LTBP1: variants seen among roughly 807,000 people sequenced by gnomAD.
The protein encoded by LTBP1 is latent-transforming growth factor beta-binding protein 1.
LTBP1 carries 129 observed loss-of-function variants against 207.6 expected under a neutral mutation model. That is an observed-to-expected ratio of 0.62 (90% confidence interval 0.54 to 0.72). The LOEUF (loss-of-function observed/expected upper bound fraction) is 0.72, where lower values mean the gene tolerates loss of function less well. Among genes scored for constraint, LTBP1 ranks in the 30% least tolerant of loss-of-function variants. The probability of loss-of-function intolerance (pLI) is 0.00; values close to 1 mark genes in which losing one functional copy is unlikely to be tolerated. For synonymous variants in LTBP1, 963 were observed against 833.7 expected (o/e 1.16, Z -2.67); for missense variants, 2,281 against 2,217.2 (o/e 1.03, Z -0.58).
At chr2:33,082,620 T>C (rs1485672480) in intron 3 of LTBP1, among the ~76,000 whole-genome samples, 1 of 151,654 alleles carries the variant, frequency 6.6e-6, no homozygotes, top group Admixed American at 6.6e-5. Context: ...AGAGATGGGG[T>C]TTCACCACGT....
At chr2:33,169,668 G>C (rs1249112612) in intron 5 of LTBP1, among the ~76,000 whole-genome samples, 1 of 152,134 alleles carries the variant, frequency 6.6e-6, no homozygotes, top group Admixed American at 6.5e-5. Flanking sequence ...AACAAAATTT[G>C]TATAATCCAG....
intron 20 of LTBP1, 144 bp downstream of exon 20, chr2:33,293,426 A>C (rs1481959657): frequency 5.8e-6 from 4 of 694,980 alleles, no homozygotes. Context: ...GGCTTGGCTG[A>C]AAGTGGCTCC....
intron 11 of LTBP1, among the ~76,000 whole-genome samples, chr2:33,255,429 C>G (rs1186357784): frequency 6.6e-6 from 1 of 152,022 alleles, no homozygotes; most frequent in African/African-American, 2.4e-5. Context: ...TGTGGCGATT[C>G]CTCAGGGATC....
intron 3 of LTBP1, among the ~76,000 whole-genome samples, chr2:33,041,143 A>G (rs1340658971): frequency 6.6e-6 from 1 of 152,180 alleles, no homozygotes; most frequent in African/African-American, 2.4e-5. Flanking sequence ...AGAGGTCTCT[A>G]CCACCATACC....
intron 3 of LTBP1, among the ~76,000 whole-genome samples, chr2:33,064,578 A>G (rs983307572): frequency 1.3e-5 from 2 of 152,204 alleles, no homozygotes; most frequent in Non-Finnish European, 2.9e-5. Flanking sequence ...CCCTGAGCTT[A>G]GGAAATACCA....
intron 8 of LTBP1, among the ~76,000 whole-genome samples, chr2:33,218,436 G>A (rs1300450823): frequency 1.3e-5 from 2 of 151,728 alleles, no homozygotes; most frequent in Non-Finnish European, 2.9e-5. Flanking sequence ...CACTATTGTC[G>A]CCCAGGCTGG....
At chr2:33,085,255 G>C (rs1249819531) in intron 3 of LTBP1, among the ~76,000 whole-genome samples, 2 of 152,186 alleles carry the variant, frequency 1.3e-5, no homozygotes, top group Admixed American at 1.3e-4. Flanking sequence ...ACCCGAGAGA[G>C]AATACATTTC....
chr2:33,380,485 C>T (rs188896997), intron 31 of LTBP1, among the ~76,000 whole-genome samples: 230 of 151,636 alleles, frequency 1.5e-3, no homozygotes, highest in Middle Eastern at 0.014. Context: ...AGGAGAATCA[C>T]TTGAACCCAG....
intron 3 of LTBP1, among the ~76,000 whole-genome samples, chr2:33,021,507 TGTTA>T (rs770134920): frequency 5.3e-5 from 8 of 152,202 alleles, no homozygotes; most frequent in Admixed American, 2.0e-4. Context: ...TTGATAAAGT[TGTTA>T]GTTTAAAAAT....
At chr2:33,092,687 T>A (rs1456341296) in intron 3 of LTBP1, among the ~76,000 whole-genome samples, 1 of 152,206 alleles carries the variant, frequency 6.6e-6, no homozygotes, top group Admixed American at 6.5e-5. Context: ...ATCTTCAGTT[T>A]TAGTTTAAAT....
chr2:33,208,542 A>G (rs560108369), intron 7 of LTBP1, among the ~76,000 whole-genome samples: 8 of 152,264 alleles, frequency 5.3e-5, no homozygotes, highest in African/African-American at 1.9e-4. Context: ...GGCCTAGGTC[A>G]GGGTATGAGG....
intron 2 of LTBP1, among the ~76,000 whole-genome samples, chr2:32,985,261 G>A (rs1245329755): frequency 1.0e-5 from 1 of 95,706 alleles, no homozygotes; most frequent in East Asian, 3.7e-4. Context: ...TGAGTGACAT[G>A]GTACTGTCTA....
chr2:33,301,550 C>G lies in LTBP1; in HGVS notation c.3387C>G (p.Leu1129=). 1 of 1,610,132 alleles carries G rather than the reference C, an allele frequency of 6.2e-7. No homozygotes were observed. Among genetic ancestry groups the G allele is most frequent in the Non-Finnish European group, 8.5e-7 (1 of 1,178,474 alleles). ...TTGATGAATGCCAGCACCGTCATCT[C>G]TGTGCTCATGGGCAGTGCAGGAACA... The part of the protein sequence containing the change: ...EDIDECQHRH[L]CAHGQCRNTE... The change falls in exon 22 of 34, where the codon CTC becomes CTG. Residue 1129 remains leucine (L), a synonymous_variant. Transcript: ENST00000404816.
intron 31 of LTBP1, among the ~76,000 whole-genome samples, chr2:33,383,161 C>A (rs964526234): frequency 1.3e-5 from 2 of 152,334 alleles, no homozygotes; most frequent in Non-Finnish European, 2.9e-5. Flanking sequence ...CAAGACCAGC[C>A]TGGCCAACAT....
At position 33,364,223 on chromosome 2, in the gene LTBP1, T is replaced by C. The variant is rs768395608; in HGVS notation, c.4407T>C (p.Asp1469=). The change falls in exon 30 of 34, where the codon GAT becomes GAC. Residue 1469 remains aspartate, a synonymous_variant. Coordinates refer to ENST00000404816, the MANE Select transcript of LTBP1 (RefSeq NM_206943.4). ...DPVKLQCFDM[D]ECQDPSSCID... is the part of the protein sequence containing the mutation. ...CTTTTTTTTGCTCTTAAGATATGGA[T>C]GAATGTCAAGACCCCAGTAGTTGTA... The C allele has an allele frequency of 8.7e-6, 14 of 1,613,198 alleles. No homozygotes were observed. The Admixed American group carries it at 2.2e-4, about 25-fold the overall frequency.
chr2:32,964,298 G>A (rs1445539725), intron 2 of LTBP1, among the ~76,000 whole-genome samples: 2 of 152,210 alleles, frequency 1.3e-5, no homozygotes, highest in South Asian at 2.1e-4. Context: ...TGTAGAAGGA[G>A]CTGAAAAAGG....
intron 31 of LTBP1, among the ~76,000 whole-genome samples, chr2:33,372,055 C>T (rs979893178): frequency 1.3e-5 from 2 of 152,174 alleles, no homozygotes; most frequent in African/African-American, 2.4e-5. Flanking sequence ...TTTAAGGCAT[C>T]CACTGGGGGT....
intron 2 of LTBP1, among the ~76,000 whole-genome samples, chr2:33,008,172 A>G (rs1687186790): frequency 6.6e-6 from 1 of 152,214 alleles, no homozygotes; most frequent in Admixed American, 6.5e-5. Flanking sequence ...CCTGATGAAA[A>G]TAAAAGTCAA....
intron 3 of LTBP1, among the ~76,000 whole-genome samples, chr2:33,103,548 G>A (rs1216558669): frequency 1.3e-5 from 2 of 151,206 alleles, no homozygotes; most frequent in East Asian, 3.9e-4. Context: ...AATTCCATAT[G>A]GATGGGGTCA....
Sources: allele counts gnomAD v4.1 joint callset (sites outside exome capture counted in the v4.1 genomes callset), GRCh38; gene constraint gnomAD v4.1.1; transcripts MANE v1.5; gene names NCBI Gene and HGNC (gene_info 2026-07-23, HGNC 2026-07-21).